Variants in DACH2 observed in about 807,000 individuals in gnomAD.
The protein encoded by DACH2 is dachshund homolog 2.
Under a neutral mutation model 35.8 loss-of-function variants are expected in DACH2, and 17 were observed. The ratio of observed to expected loss-of-function variants is 0.48; its 90% CI spans 0.33 to 0.71. DACH2 has a LOEUF of 0.71. Among genes scored for constraint, DACH2 ranks in the 30% least tolerant of loss-of-function variants. DACH2 has a pLI of 0.02. For synonymous variants in DACH2, 195 were observed against 177.3 expected, an observed-to-expected ratio of 1.10 and a Z score of -0.79; for missense variants, 469 against 472.7, an observed-to-expected ratio of 0.99 and a Z score of 0.07.
intron 3 of DACH2, among the ~76,000 whole-genome samples, chrX:86,565,920 G>T (rs2039287015): frequency 1.8e-5 from 2 of 111,621 alleles, no homozygotes; most frequent in Non-Finnish European, 3.8e-5. Flanking sequence ...TTTCTCTTTG[G>T]AAGTTATGGT....
At chrX:86,442,561 C>A (rs1314806152) in intron 2 of DACH2, among the ~76,000 whole-genome samples, 1 of 108,930 alleles carries the variant, frequency 9.2e-6, no homozygotes, top group Admixed American at 9.9e-5. Context: ...TGTTGAAATC[C>A]CATTTGTTTC....
intron 6 of DACH2, among the ~76,000 whole-genome samples, chrX:86,716,705 A>G (rs2041340684): frequency 8.9e-6 from 1 of 112,237 alleles, no homozygotes; most frequent in Non-Finnish European, 1.9e-5. Flanking sequence ...TTGAGACTTC[A>G]GTTAGCTTTG....
intron 2 of DACH2, among the ~76,000 whole-genome samples, chrX:86,491,822 T>C (rs2038097297): frequency 9.0e-6 from 1 of 111,731 alleles, no homozygotes; most frequent in Non-Finnish European, 1.9e-5. Context: ...GACCTTTAAC[T>C]GACAACTCAC....
chrX:86,467,581 C>T (rs1296942550), intron 2 of DACH2, among the ~76,000 whole-genome samples: 1 of 111,575 alleles, frequency 9.0e-6, no homozygotes, highest in Non-Finnish European at 1.9e-5. Flanking sequence ...CTTCCTGTTA[C>T]CTGATTCCAA....
chrX:86,280,728 A>G (rs192981917), intron 1 of DACH2, among the ~76,000 whole-genome samples: 3 of 111,929 alleles, frequency 2.7e-5, no homozygotes, highest in Non-Finnish European at 5.6e-5. Context: ...GAAGACACAC[A>G]TACACTCAAA....
At chrX:86,362,243 G>T (rs920209904) in intron 1 of DACH2, among the ~76,000 whole-genome samples, 2 of 111,091 alleles carry the variant, frequency 1.8e-5, no homozygotes, top group Admixed American at 9.6e-5. Context: ...GATGAATGAG[G>T]AACTTTTAGT....
At chrX:86,503,091 T>C (rs2038274321) in intron 2 of DACH2, among the ~76,000 whole-genome samples, 1 of 112,095 alleles carries the variant, frequency 8.9e-6, no homozygotes, top group African/African-American at 3.2e-5. Context: ...AATACATACA[T>C]AGTCTCATTT....
chrX:86,229,002 G>A (rs180978395), intron 1 of DACH2, among the ~76,000 whole-genome samples: 1 of 111,533 alleles, frequency 9.0e-6, no homozygotes, highest in African/African-American at 3.3e-5. Flanking sequence ...TGTTTTTATT[G>A]CAATTGCTTT....
chrX:86,615,430 T>C (rs2039991389), intron 3 of DACH2, among the ~76,000 whole-genome samples: 1 of 111,629 alleles, frequency 9.0e-6, no homozygotes, highest in African/African-American at 3.3e-5. Flanking sequence ...CAGATTTATA[T>C]GTCTCCAGAT....
At position 86,284,618 on chromosome X, in the gene DACH2, G is replaced by A. The variant is rs184801579; in HGVS notation, c.489-92206G>A. 1.3e-3 allele frequency among the ~76,000 whole-genome samples: 135 copies of A among 101,429 alleles called. 1 individual carries two copies. Among genetic ancestry groups the A allele is most frequent in the Non-Finnish European group, 2.3e-3 (117 of 51,496 alleles). 88.1% of individuals were successfully genotyped at this position (101,429 alleles called of 115,157 possible). ...GAATCAGAGTAGTACTGGTTTCATA[G>A]AATGAGTTTGGAAGCATTCTTCCTC... is the stretch of plus-strand genomic sequence containing the variant. On this transcript the variant is annotated intron_variant, in intron 1 of 11. Coordinates refer to ENST00000373125, the MANE Select transcript of DACH2 (RefSeq NM_053281.3).
At chrX:86,461,273 T>A (rs2037567258) in intron 2 of DACH2, among the ~76,000 whole-genome samples, 1 of 111,554 alleles carries the variant, frequency 9.0e-6, no homozygotes, top group African/African-American at 3.2e-5. Context: ...TTAGCATATA[T>A]TGATTAAGAA....
At chrX:86,398,403 G>C (rs1187550667) in intron 2 of DACH2, among the ~76,000 whole-genome samples, 1 of 112,149 alleles carries the variant, frequency 8.9e-6, no homozygotes, top group Non-Finnish European at 1.9e-5. Flanking sequence ...GTTCTGCTCT[G>C]ATCTTAGTTA....
intron 1 of DACH2, among the ~76,000 whole-genome samples, chrX:86,268,126 C>G (rs1475583391): frequency 8.9e-6 from 1 of 112,055 alleles, no homozygotes; most frequent in East Asian, 2.8e-4. Context: ...TTCAACTTTG[C>G]GTGTGAAAAG....
intron 1 of DACH2, among the ~76,000 whole-genome samples, chrX:86,376,523 A>T (rs2035970122): frequency 9.0e-6 from 1 of 110,754 alleles, no homozygotes; most frequent in African/African-American, 3.3e-5. Flanking sequence ...TTGTCTTCAT[A>T]TATGGAAAAG....
At chrX:86,521,685 G>T (rs1336416485) in intron 3 of DACH2, among the ~76,000 whole-genome samples, 1 of 111,732 alleles carries the variant, frequency 8.9e-6, no homozygotes, top group Non-Finnish European at 1.9e-5. Flanking sequence ...TGTTAAAGAT[G>T]CAGACAGTTA....
intron 3 of DACH2, among the ~76,000 whole-genome samples, chrX:86,645,127 A>T (rs1451743626): frequency 9.0e-6 from 1 of 111,071 alleles, no homozygotes; most frequent in Non-Finnish European, 1.9e-5. Flanking sequence ...GAGTAAACAG[A>T]CAACTTACAG....
intron 1 of DACH2, among the ~76,000 whole-genome samples, chrX:86,237,168 G>A (rs888584543): frequency 2.0e-4 from 22 of 111,553 alleles, no homozygotes; most frequent in Non-Finnish European, 4.0e-4. Flanking sequence ...AAGTTCTTCT[G>A]GCGCAATAAC....
At chrX:86,438,004 G>GT (rs1031695324) in intron 2 of DACH2, among the ~76,000 whole-genome samples, 1 of 109,198 alleles carries the variant, frequency 9.2e-6, no homozygotes, top group African/African-American at 3.3e-5. Context: ...GTACCCAATA[G>GT]TTTTTTTCTG....
intron 1 of DACH2, among the ~76,000 whole-genome samples, chrX:86,290,482 C>A (rs1422927836): frequency 1.1e-5 from 1 of 87,199 alleles, no homozygotes; most frequent in African/African-American, 4.6e-5. Context: ...GTGTTTAAGA[C>A]ATGAAGTCCT....
Sources: gnomAD v4.1 joint callset for allele counts (sites outside exome capture counted in the v4.1 genomes callset) on GRCh38, gnomAD v4.1.1 for gene constraint, MANE v1.5 for transcripts, NCBI Gene and HGNC (gene_info 2026-07-23, HGNC 2026-07-21) for gene names.